The following SERINC5 variants were observed in gnomAD, a reference collection of about 807,000 sequenced individuals.
SERINC5 encodes the protein chromosome 5 open reading frame 12.
Under a neutral mutation model 63.1 loss-of-function variants are expected in SERINC5, and 41 were observed. That is an observed-to-expected ratio of 0.65 (90% CI 0.51 to 0.84). The LOEUF (loss-of-function observed/expected upper bound fraction) is 0.84, where lower values mean the gene tolerates loss of function less well. Ranked by LOEUF, SERINC5 falls within the 40% of genes least tolerant of loss-of-function variation. SERINC5 has a pLI of 0.00. For synonymous variants in SERINC5, 222 were observed against 215.2 expected, an observed-to-expected ratio of 1.03 and a Z score of -0.28; for missense variants, 523 against 573.0, an observed-to-expected ratio of 0.91 and a Z score of 0.89.
chr5:80,142,657 A>T lies in SERINC5; in HGVS notation c.*1006T>A. The T allele has an allele frequency of 1.0e-6, 1 of 985,416 alleles. No individual in the cohort carries two copies. The highest frequency in any genetic ancestry group is 5.2e-4 in the Middle Eastern group (1 of 1,914). The allele number at this position is 985,416 out of a possible 1,614,324, so 61.0% of individuals were successfully genotyped here. A position where few individuals can be genotyped will look rare whatever the true frequency, so the allele number is the denominator to read the frequency against. Reference sequence around the variant, plus strand: ...GTCACGTTACAGATCCAGAACACAAAACGACTTCCGCTTTTACAGTTTCAA... The same window carrying T: ...GTCACGTTACAGATCCAGAACACAATACGACTTCCGCTTTTACAGTTTCAA... On this transcript the variant is annotated 3_prime_UTR_variant, in exon 12 of 12. Transcript: ENST00000507668.
intron 2 of SERINC5, among the ~76,000 whole-genome samples, chr5:80,185,500 A>G (rs1023440892): frequency 1.3e-5 from 2 of 149,882 alleles, no homozygotes; most frequent in Non-Finnish European, 3.0e-5. Context: ...CTATTATGTT[A>G]TATTTCATGC....
At position 80,158,676 on chromosome 5, in the gene SERINC5, G is replaced by A. The variant is rs73125982; in HGVS notation, c.986+160C>T. ...CCAAATAAAAACAAGTAAGGTGAAC[G>A]AAGTTCAAATATGAGTTCACGCTCT... is the stretch of plus-strand genomic sequence containing the variant. On this transcript the variant is annotated intron_variant, in intron 8 of 11. Transcript: ENST00000507668. 5,277 of 608,068 alleles carry A rather than the reference G, an allele frequency of 8.7e-3. 242 individuals are homozygous for A. The African/African-American group carries it at 0.087, about 10-fold the overall frequency. 37.7% of individuals were successfully genotyped at this position (608,068 alleles called of 1,614,324 possible). A position where few individuals can be genotyped will look rare whatever the true frequency, so the allele number is the denominator to read the frequency against.
chr5:80,178,421 G>A (rs1319683176), intron 2 of SERINC5, among the ~76,000 whole-genome samples: 2 of 137,854 alleles, frequency 1.5e-5, no homozygotes, highest in East Asian at 4.3e-4. Flanking sequence ...AGAGTTTAGT[G>A]GCACAATCAC....
intron 2 of SERINC5, among the ~76,000 whole-genome samples, chr5:80,201,594 T>C (rs567802277): frequency 6.6e-6 from 1 of 152,322 alleles, no homozygotes; most frequent in African/African-American, 2.4e-5. Flanking sequence ...TTTTTGTCAA[T>C]TCGCTTAGAA....
At chr5:80,168,637 T>C (rs1181195914) in intron 6 of SERINC5, among the ~76,000 whole-genome samples, 1 of 152,176 alleles carries the variant, frequency 6.6e-6, no homozygotes, top group Non-Finnish European at 1.5e-5. Context: ...ACAAAAAAAA[T>C]CAGACCAGGG....
downstream of SERINC5, among the ~76,000 whole-genome samples, chr5:80,135,486 A>C (rs1024731355): frequency 1.3e-5 from 2 of 152,208 alleles, no homozygotes; most frequent in Admixed American, 6.5e-5. Flanking sequence ...TCTGCCTCCC[A>C]CATTCCTTGT....
chr5:80,231,002 G>A (rs1167537144), intron 1 of SERINC5, among the ~76,000 whole-genome samples: 1 of 104,196 alleles, frequency 9.6e-6, no homozygotes, highest in Non-Finnish European at 1.9e-5. Context: ...TGTAGAGACT[G>A]GGTTTTGCCC....
chr5:80,163,135 G>A (rs1747053019), intron 7 of SERINC5, among the ~76,000 whole-genome samples: 2 of 150,282 alleles, frequency 1.3e-5, no homozygotes, highest in South Asian at 4.3e-4. Context: ...GATTACAGAT[G>A]TGAGCCAATG....
At chr5:80,155,595 GGA>G (rs142849822) in intron 8 of SERINC5, among the ~76,000 whole-genome samples, 19 of 145,084 alleles carry the variant, frequency 1.3e-4, no homozygotes, top group African/African-American at 3.8e-4. Flanking sequence ...GAAGAAAGAA[GGA>G]GAGAGAGAGA....
chr5:80,184,806 C>A (rs1748698265), intron 2 of SERINC5, among the ~76,000 whole-genome samples: 1 of 152,302 alleles, frequency 6.6e-6, no homozygotes, highest in African/African-American at 2.4e-5. Context: ...AATGTGCCTG[C>A]TAAGGGTGTT....
Position 80,175,123 on chromosome 5 carries a change from T to A in SERINC5, c.458-76A>T, listed in dbSNP as rs921853210. Reference sequence around the variant, plus strand: ...CTCAAAAGAGAATAACCACAGCTAATTTTTACTAGATGATCAGTGTACCTA... The same window carrying A: ...CTCAAAAGAGAATAACCACAGCTAAATTTTACTAGATGATCAGTGTACCTA... On this transcript the variant is annotated intron_variant, in intron 4 of 11. Transcript: ENST00000507668. The A allele has an allele frequency of 7.7e-6, 7 of 904,964 alleles. No homozygotes were observed. In the African/African-American group the frequency reaches 8.4e-5, roughly 11 times the overall value. The allele number at this position is 904,964 out of a possible 1,614,324, so 56.1% of individuals were successfully genotyped here.
intron 1 of SERINC5, among the ~76,000 whole-genome samples, chr5:80,254,055 A>C (rs1752538239): frequency 6.6e-6 from 1 of 152,146 alleles, no homozygotes; most frequent in Non-Finnish European, 1.5e-5. Context: ...TTAGCTGTGT[A>C]GCTGGGATTA....
intron 1 of SERINC5, among the ~76,000 whole-genome samples, chr5:80,209,181 G>C (rs888012549): frequency 6.6e-6 from 1 of 152,202 alleles, no homozygotes; most frequent in Admixed American, 6.5e-5. Context: ...TGAGGCACGA[G>C]AATCGCTTGA....
intron 8 of SERINC5, chr5:80,157,398 C>G: frequency 6.6e-6 from 1 of 151,994 alleles, no homozygotes; most frequent in Non-Finnish European, 1.5e-5. Context: ...GGGTCTCACT[C>G]GGTTGCTTAG....
At chr5:80,204,014 T>C (rs903324933) in intron 1 of SERINC5, among the ~76,000 whole-genome samples, 3 of 152,198 alleles carry the variant, frequency 2.0e-5, no homozygotes, top group Non-Finnish European at 2.9e-5. Flanking sequence ...AGCTTCCAGT[T>C]TGGTGAACGC....
At chr5:80,113,621 C>G (rs1303811549) in exon 12 of SERINC5, 2 of 293,364 alleles carry the variant, frequency 6.8e-6, no homozygotes, top group Admixed American at 3.5e-5. Context: ...AGGTGAAAGG[C>G]ACTTCTTACA....
intron 11 of SERINC5, among the ~76,000 whole-genome samples, chr5:80,118,985 T>C (rs1744440173): frequency 6.6e-6 from 1 of 152,152 alleles, no homozygotes; most frequent in Non-Finnish European, 1.5e-5. Context: ...CACCAACATT[T>C]GGTCCACTAC....
chr5:80,209,105 T>C (rs13178966), intron 1 of SERINC5, among the ~76,000 whole-genome samples: 20,261 of 152,142 alleles, frequency 0.13, 1,836 homozygotes, highest in Non-Finnish European at 0.19. Flanking sequence ...ACCCCGTCTC[T>C]ACTAAAAATA....
downstream of SERINC5, among the ~76,000 whole-genome samples, chr5:80,136,822 G>A (rs920487864): frequency 1.3e-5 from 2 of 152,070 alleles, no homozygotes; most frequent in Non-Finnish European, 2.9e-5. Context: ...CATACAAATG[G>A]CCAACAGATA....
Sources: gnomAD v4.1 joint callset for allele counts (sites outside exome capture counted in the v4.1 genomes callset) on GRCh38, gnomAD v4.1.1 for gene constraint, MANE v1.5 for transcripts, NCBI Gene and HGNC (gene_info 2026-07-23, HGNC 2026-07-21) for gene names.